The following SLC47A2 variants were observed in gnomAD, a reference collection of about 807,000 sequenced individuals.
SLC47A2 encodes multidrug and toxin extrusion protein 2.
Under a neutral mutation model 67.7 loss-of-function variants are expected in SLC47A2, and 52 were observed. The ratio of observed to expected loss-of-function variants is 0.77; its 90% CI spans 0.61 to 0.97. The LOEUF (loss-of-function observed/expected upper bound fraction) is 0.97, where lower values mean the gene tolerates loss of function less well. SLC47A2 is among the 50% of genes least tolerant of loss of function. SLC47A2 has a pLI of 0.00. For missense variants in SLC47A2, 676 were observed against 712.3 expected (o/e 0.95, Z 0.58); for synonymous variants, 278 against 292.9 (o/e 0.95, Z 0.52).
At chr17:19,689,889 A>G (rs1036120504) in intron 13 of SLC47A2, among the ~76,000 whole-genome samples, 11 of 152,178 alleles carry the variant, frequency 7.2e-5, no homozygotes, top group African/African-American at 2.7e-4. Flanking sequence ...TAAGATACCA[A>G]TGATGTTCCT....
intron 6 of SLC47A2, 132 bp from the exon 7 acceptor site, chr17:19,708,531 G>GGGA: frequency 6.2e-7 from 1 of 1,612,922 alleles, no homozygotes; most frequent in East Asian, 2.2e-5. Flanking sequence ...GGAAGAGGCT[G>GGGA]GGACGCACAG....
chr17:19,688,705 C>G (rs1429737258), intron 13 of SLC47A2, among the ~76,000 whole-genome samples: 1 of 152,042 alleles, frequency 6.6e-6, no homozygotes, highest in Non-Finnish European at 1.5e-5. Context: ...ACTGCCTGCA[C>G]TACAAAGCCT....
intron 10 of SLC47A2, chr17:19,704,750 C>T: frequency 2.0e-6 from 3 of 1,478,710 alleles, no homozygotes; most frequent in African/African-American, 1.4e-5. Flanking sequence ...CATGGCCCTG[C>T]TGGGGACGCT....
At chr17:19,694,571 T>C (rs1488905480) in intron 13 of SLC47A2, among the ~76,000 whole-genome samples, 2 of 152,214 alleles carry the variant, frequency 1.3e-5, no homozygotes, top group African/African-American at 2.4e-5. Context: ...GATATCCATA[T>C]GTAAAAAATG....
intron 13 of SLC47A2, chr17:19,702,319 G>A: frequency 1.0e-6 from 1 of 985,242 alleles, no homozygotes; most frequent in Non-Finnish European, 1.2e-6. Context: ...CAGCTCATGA[G>A]GAATCCGGAA....
chr17:19,679,290 C>T (rs1003827063), intron 16 of SLC47A2, among the ~76,000 whole-genome samples: 1 of 152,166 alleles, frequency 6.6e-6, no homozygotes, highest in Non-Finnish European at 1.5e-5. Flanking sequence ...TCACTACTGC[C>T]CTGATCAAGG....
At chr17:19,713,617 C>T (rs572079513) in intron 4 of SLC47A2, among the ~76,000 whole-genome samples, 1 of 152,248 alleles carries the variant, frequency 6.6e-6, no homozygotes, top group Non-Finnish European at 1.5e-5. Context: ...GGCGTTTGTC[C>T]GCCTCTGTCC....
intron 1 of SLC47A2, chr17:19,716,011 C>A: frequency 5.9e-6 from 1 of 169,170 alleles, no homozygotes; most frequent in Non-Finnish European, 1.3e-5. Context: ...CCAGCCTATT[C>A]CTCTTCATGA....
chr17:19,682,397 T>A (rs2085337343), intron 13 of SLC47A2, among the ~76,000 whole-genome samples: 1 of 148,396 alleles, frequency 6.7e-6, no homozygotes, highest in Non-Finnish European at 1.5e-5. Context: ...GTTCTGGAGG[T>A]TAGAAGTTTG....
At chr17:19,705,838 A>G (rs1280759846) in intron 9 of SLC47A2, among the ~76,000 whole-genome samples, 1 of 152,108 alleles carries the variant, frequency 6.6e-6, no homozygotes, top group Non-Finnish European at 1.5e-5. Flanking sequence ...GCCTCAAGTG[A>G]TCCACCCACC....
At chr17:19,708,276 C>A (rs2085999174) in intron 7 of SLC47A2, 26 bp downstream of exon 7, 3 of 1,610,628 alleles carry the variant, frequency 1.9e-6, no homozygotes, top group Non-Finnish European at 2.5e-6. Flanking sequence ...GTCCCCTGAC[C>A]AGGCCCCACC....
intron 11 of SLC47A2, 138 bp downstream of exon 11, chr17:19,703,932 G>T (rs942861472): frequency 5.0e-6 from 3 of 601,604 alleles, no homozygotes. Flanking sequence ...TGGGTCAGAT[G>T]GCAGGTCCAG....
rs376421449 is a variant in SLC47A2 at position 19,682,329 on chromosome 17, T to TCACACACACACA, written c.1165-671_1165-660dup. ...GCCTGGGCGACAGAGCGAGACTTGG[T>TCACACACACACA]CACACACACACACACACACACACAC... is the stretch of plus-strand genomic sequence containing the variant. On this transcript the variant is annotated intron_variant, in intron 13 of 16. Coordinates refer to ENST00000433844, the MANE Select transcript of SLC47A2 (RefSeq NM_001099646.3). Among the ~76,000 whole-genome samples the TCACACACACACA allele has an allele frequency of 5.3e-3, 768 of 143,866 alleles. 3 individuals are homozygous for TCACACACACACA. The highest frequency in any genetic ancestry group is 0.013 in the African/African-American group (509 of 38,618). 94.4% of individuals were successfully genotyped at this position (143,866 alleles called of 152,430 possible).
chr17:19,716,364 G>A (rs2086265816), intron 1 of SLC47A2, 69 bp downstream of exon 1: 3 of 1,519,100 alleles, frequency 2.0e-6, no homozygotes, highest in South Asian at 1.3e-5. Flanking sequence ...GATCCTGCCT[G>A]CAAGGCAGAC....
rs141917453 is a variant in SLC47A2, at chr17:19,684,045, G to A, written c.1165-2375C>T. ...CAGCATTCTCCAGGATAGACCTGCGGTAGGCCACAAAACAAATCTCAATAA... is the reference window on the plus strand; with the variant it reads ...CAGCATTCTCCAGGATAGACCTGCGATAGGCCACAAAACAAATCTCAATAA... On this transcript the variant is annotated intron_variant, in intron 13 of 16. Transcript: ENST00000433844. Among the ~76,000 whole-genome samples, 1,137 of 152,236 alleles carry A rather than the reference G, an allele frequency of 7.5e-3. 5 individuals carry two copies. Among genetic ancestry groups the A allele is most frequent in the Non-Finnish European group, 0.012 (822 of 68,008 alleles).
intron 13 of SLC47A2, among the ~76,000 whole-genome samples, chr17:19,695,936 G>A (rs1320358772): frequency 6.6e-6 from 1 of 151,454 alleles, no homozygotes; most frequent in Non-Finnish European, 1.5e-5. Flanking sequence ...TTTTGGCCAG[G>A]CTGGTCTTGA....
At chr17:19,710,702 C>T (rs919053595) in intron 5 of SLC47A2, among the ~76,000 whole-genome samples, 3 of 152,142 alleles carry the variant, frequency 2.0e-5, no homozygotes, top group Admixed American at 2.0e-4. Flanking sequence ...ATCTGCCCGC[C>T]TCAGCCTCCC....
intron 10 of SLC47A2, chr17:19,705,046 T>C: frequency 3.0e-6 from 1 of 328,654 alleles, no homozygotes. Flanking sequence ...AGGTTGGTCT[T>C]GAACTCCTGG....
intron 1 of SLC47A2, 96 bp from the exon 2 acceptor site, chr17:19,715,313 A>G (rs1281295767): frequency 4.5e-6 from 5 of 1,100,448 alleles, no homozygotes. Context: ...GCCCCGCACC[A>G]GTGCCCCGAG....
Sources: allele counts gnomAD v4.1 joint callset (sites outside exome capture counted in the v4.1 genomes callset), GRCh38; gene constraint gnomAD v4.1.1; transcripts MANE v1.5; gene names NCBI Gene and HGNC (gene_info 2026-07-23, HGNC 2026-07-21).